Variants in KIAA1671 observed in about 807,000 individuals in gnomAD.
The protein encoded by KIAA1671 is uncharacterized protein KIAA1671.
A neutral mutation model predicts 131.2 loss-of-function variants in KIAA1671; 52 were observed. The ratio of observed to expected loss-of-function variants is 0.40; its 90% CI spans 0.32 to 0.50. The LOEUF (loss-of-function observed/expected upper bound fraction) is 0.50. Ranked by LOEUF, KIAA1671 falls within the 20% of genes least tolerant of loss-of-function variation. The pLI is 0.73. For synonymous variants in KIAA1671, 1,003 were observed against 961.6 expected (o/e 1.04, Z -0.80); for missense variants, 2,360 against 2,364.2 (o/e 1.00, Z 0.04).
intron 1 of KIAA1671, among the ~76,000 whole-genome samples, chr22:25,005,977 G>A (rs565196887): frequency 6.6e-6 from 1 of 152,284 alleles, no homozygotes; most frequent in African/African-American, 2.4e-5. Flanking sequence ...TGCCTGTGGA[G>A]TGCTTGAAAT....
At chr22:25,098,121 A>C (rs748572292) in intron 6 of KIAA1671, among the ~76,000 whole-genome samples, 3 of 152,238 alleles carry the variant, frequency 2.0e-5, no homozygotes, top group Admixed American at 6.5e-5. Flanking sequence ...AATGGCAAAG[A>C]GAACACTGTG....
intron 6 of KIAA1671, among the ~76,000 whole-genome samples, chr22:25,077,897 GTAA>G (rs771280529): frequency 1.3e-4 from 20 of 152,326 alleles, no homozygotes; most frequent in Non-Finnish European, 2.1e-4. Context: ...GGTGACAGTA[GTAA>G]TAATAATAGT....
intron 6 of KIAA1671, among the ~76,000 whole-genome samples, chr22:25,166,811 C>T (rs1359222778): frequency 1.3e-5 from 2 of 152,302 alleles, no homozygotes; most frequent in Admixed American, 6.5e-5. Context: ...GCAGAGACAG[C>T]AAGCCCTGCC....
intron 1 of KIAA1671, among the ~76,000 whole-genome samples, chr22:25,008,222 A>T (rs1466120894): frequency 1.3e-5 from 2 of 150,298 alleles, no homozygotes; most frequent in African/African-American, 4.9e-5. Context: ...AAAAAAAAGG[A>T]AAAAGAAAAG....
At chr22:25,173,330 C>G (rs961686656) in intron 7 of KIAA1671, among the ~76,000 whole-genome samples, 1 of 152,164 alleles carries the variant, frequency 6.6e-6, no homozygotes, top group Admixed American at 6.5e-5. Context: ...CAGTTATAGG[C>G]TAATCCTCAT....
intron 10 of KIAA1671, among the ~76,000 whole-genome samples, chr22:25,183,309 G>A (rs1031489811): frequency 4.6e-5 from 7 of 152,082 alleles, no homozygotes; most frequent in South Asian, 2.1e-4. Flanking sequence ...TTTCTTCCAC[G>A]AATAGAAAAT....
At chr22:25,088,742 TCA>T (rs555019186) in intron 6 of KIAA1671, among the ~76,000 whole-genome samples, 3 of 152,184 alleles carry the variant, frequency 2.0e-5, no homozygotes, top group Non-Finnish European at 4.4e-5. Context: ...CTCCCTGCCA[TCA>T]CCTCCAATCT....
intron 6 of KIAA1671, among the ~76,000 whole-genome samples, chr22:25,097,944 T>C (rs748664410): frequency 1.8e-4 from 27 of 152,108 alleles, no homozygotes; most frequent in Non-Finnish European, 3.5e-4. Context: ...GGTCCCCAAA[T>C]GGCTGCCACA....
intron 11 of KIAA1671, among the ~76,000 whole-genome samples, chr22:25,190,024 T>C (rs1278764099): frequency 6.6e-6 from 1 of 152,226 alleles, no homozygotes; most frequent in Non-Finnish European, 1.5e-5. Flanking sequence ...AGACAATTTT[T>C]CCACAGACCA....
chr22:25,053,538 C>T (rs1221120150), intron 6 of KIAA1671: 1 of 152,140 alleles, frequency 6.6e-6, no homozygotes, highest in African/African-American at 2.4e-5. Context: ...ATCCCTGAAA[C>T]CTATTGGTTA....
intron 11 of KIAA1671, among the ~76,000 whole-genome samples, chr22:25,187,539 C>T (rs554118499): frequency 1.3e-5 from 2 of 152,020 alleles, no homozygotes; most frequent in South Asian, 4.1e-4. Context: ...GTTTTTGAGA[C>T]AGGGTCTCAC....
chr22:24,993,181 C>T (rs1923939076), intron 1 of KIAA1671, among the ~76,000 whole-genome samples: 2 of 152,114 alleles, frequency 1.3e-5, no homozygotes, highest in South Asian at 4.2e-4. Context: ...GAGTGGGAGA[C>T]TCAGTGAGGC....
chr22:25,105,942 C>G (rs1930984252), intron 6 of KIAA1671, among the ~76,000 whole-genome samples: 1 of 152,022 alleles, frequency 6.6e-6, no homozygotes, highest in African/African-American at 2.4e-5. Context: ...TTAATAGTAT[C>G]AGCCTCCTTT....
intron 6 of KIAA1671, among the ~76,000 whole-genome samples, chr22:25,144,962 T>C (rs1426283130): frequency 6.6e-6 from 1 of 152,242 alleles, no homozygotes; most frequent in African/African-American, 2.4e-5. Context: ...GGTCTGTGAC[T>C]TCCAAATTCA....
chr22:25,126,836 C>T (rs533098891), intron 6 of KIAA1671, among the ~76,000 whole-genome samples: 3 of 152,172 alleles, frequency 2.0e-5, no homozygotes, highest in Non-Finnish European at 4.4e-5. Flanking sequence ...TACTGAGCTC[C>T]TATCATTTGC....
intron 6 of KIAA1671, among the ~76,000 whole-genome samples, chr22:25,139,633 A>G (rs546686296): frequency 1.3e-5 from 2 of 152,358 alleles, no homozygotes; most frequent in Admixed American, 6.5e-5. Context: ...AAGAGAGGCT[A>G]TAAACAACAG....
intron 1 of KIAA1671, among the ~76,000 whole-genome samples, chr22:25,000,403 C>A (rs1174535660): frequency 1.0e-5 from 1 of 99,840 alleles, no homozygotes; most frequent in Non-Finnish European, 2.1e-5. Context: ...CCGTTTTAGC[C>A]GGGATGGTCT....
rs116711495 is a variant in KIAA1671 at position 25,190,429 on chromosome 22, G to A, written c.5343-273G>A. Among the ~76,000 whole-genome samples the A allele has an allele frequency of 3.0e-3, 456 of 152,336 alleles. 1 individual carries two copies. The highest frequency in any genetic ancestry group is 0.01 in the African/African-American group (425 of 41,578). On this transcript the variant is annotated intron_variant, in intron 11 of 12. Transcript: ENST00000358431. ...CCCACCACTCACCACCTGCTGTGTG[G>A]CCTTGTTCCTAACAGGCCATGGACC...
At chr22:25,188,348 A>G (rs1167916188) in intron 11 of KIAA1671, among the ~76,000 whole-genome samples, 3 of 152,030 alleles carry the variant, frequency 2.0e-5, no homozygotes, top group Non-Finnish European at 4.4e-5. Context: ...CCCCAAAACA[A>G]TTATTGTTGA....
Sources: allele counts gnomAD v4.1 joint callset (sites outside exome capture counted in the v4.1 genomes callset), GRCh38; gene constraint gnomAD v4.1.1; transcripts MANE v1.5; gene names NCBI Gene and HGNC (gene_info 2026-07-23, HGNC 2026-07-21).